The following CWF19L2 variants were observed in gnomAD, a reference collection of about 807,000 sequenced individuals.
CWF19L2 encodes CWF19-like protein 2.
In CWF19L2, 98 loss-of-function variants were observed where a neutral mutation model predicts 111.7. The observed-to-expected ratio is 0.88, with a 90% CI of 0.75 to 1.04. CWF19L2 has a LOEUF of 1.04. CWF19L2 is among the 50% of genes least tolerant of loss of function. CWF19L2 has a pLI of 0.00. For synonymous variants in CWF19L2, 351 were observed against 342.9 expected (o/e 1.02, Z -0.26); for missense variants, 1,101 against 1,051.4 (o/e 1.05, Z -0.65).
Position 107,392,837 on chromosome 11 carries a change from G to A in CWF19L2, c.1676C>T (p.Pro559Leu). 1 of 1,594,174 alleles carries A rather than the reference G, an allele frequency of 6.3e-7. No individual in the cohort carries two copies. Among genetic ancestry groups the A allele is most frequent in the African/African-American group, 1.4e-5 (1 of 73,248 alleles). The change falls in exon 11 of 18, where the codon CCT becomes CTT. Residue 559 changes from proline (P) to leucine (L), a missense_variant. Transcript: ENST00000282251. Reference protein sequence around the residue: ...VRTDQSGRVWPVNTPGKSLES... With the variant: ...VRTDQSGRVWLVNTPGKSLES... The stretch of plus-strand genomic sequence containing the variant: ...CAGAGATTTTCCGGGTGTGTTCACA[G>A]GCCATACTCTTCCAGACTGATCTGT...
chr11:107,389,348 G>A (rs765563139), intron 12 of CWF19L2, among the ~76,000 whole-genome samples: 2 of 152,176 alleles, frequency 1.3e-5, no homozygotes, highest in Non-Finnish European at 2.9e-5. Context: ...AGTGAAGGCA[G>A]CCTTAGATAA....
chr11:107,360,814 C>T (rs917823976), intron 12 of CWF19L2, among the ~76,000 whole-genome samples: 1 of 152,126 alleles, frequency 6.6e-6, no homozygotes, highest in Non-Finnish European at 1.5e-5. Flanking sequence ...CATATCCTTG[C>T]CCACTTTTTA....
intron 10 of CWF19L2, among the ~76,000 whole-genome samples, chr11:107,411,650 G>A (rs76641351): frequency 0.013 from 1,959 of 152,034 alleles, 35 homozygotes; most frequent in African/African-American, 0.044. Context: ...CTTAAGGAAG[G>A]GCAGGTTATT....
rs1444702843 is a variant in CWF19L2 at position 107,372,884 on chromosome 11, C to A, written c.1872+17190G>T. ...ACCGGGTTCATCTCACTAGGGAGTG[C>A]CAGACAGTGGGCGCAGGCCAGTGGG... On this transcript the variant is annotated intron_variant, in intron 12 of 17. Transcript: ENST00000282251. Among the ~76,000 whole-genome samples, 4 of 129,476 alleles carry A rather than the reference C, an allele frequency of 3.1e-5. 1 individual carries two copies. Among genetic ancestry groups the A allele is most frequent in the Non-Finnish European group, 6.4e-5 (4 of 62,258 alleles). The allele number at this position is 129,476 out of a possible 152,430, so 84.9% of individuals were successfully genotyped here. A position where few individuals can be genotyped will look rare whatever the true frequency, so the allele number is the denominator to read the frequency against.
At chr11:107,404,559 G>A in intron 10 of CWF19L2, 1 of 659,712 alleles carries the variant, frequency 1.5e-6, no homozygotes, top group Non-Finnish European at 2.8e-6. Context: ...GCTGGGGTGG[G>A]AGGTGGGGCA....
intron 12 of CWF19L2, among the ~76,000 whole-genome samples, chr11:107,387,314 G>A (rs776416876): frequency 2.6e-4 from 40 of 151,874 alleles, no homozygotes; most frequent in Non-Finnish European, 5.1e-4. Context: ...GGCTCTATCT[G>A]AACTAATATA....
At chr11:107,346,219 TGTA>T (rs550968959) in intron 14 of CWF19L2, among the ~76,000 whole-genome samples, 1 of 152,214 alleles carries the variant, frequency 6.6e-6, no homozygotes, top group African/African-American at 2.4e-5. Context: ...AACGCTATGA[TGTA>T]GTCGTTTTTA....
intron 12 of CWF19L2, among the ~76,000 whole-genome samples, chr11:107,379,407 C>A (rs578219357): frequency 6.6e-6 from 1 of 152,236 alleles, no homozygotes; most frequent in South Asian, 2.1e-4. Context: ...CACAGACAGT[C>A]CTTCTACAAC....
At chr11:107,403,395 A>T in intron 10 of CWF19L2, 2 of 746,694 alleles carry the variant, frequency 2.7e-6, no homozygotes, top group Non-Finnish European at 4.8e-6. Context: ...AAACATGGCA[A>T]CACTTATTCT....
At chr11:107,398,865 T>C (rs934700812) in intron 10 of CWF19L2, among the ~76,000 whole-genome samples, 4 of 152,162 alleles carry the variant, frequency 2.6e-5, no homozygotes, top group East Asian at 1.9e-4. Flanking sequence ...CTAGAAGGGA[T>C]TGGGGACCTA....
rs775085307 is a variant in CWF19L2 at position 107,392,792 on chromosome 11, C to A, written c.1721G>T (p.Arg574Ile). ...TGTTAAACATACCATCTGTCTCTTT[C>A]TTCTTCCTCCTTGTGATTCCAGAGA... Reference protein sequence around the residue: ...GKSLESQGGRRKRQMVSTHEE... With the variant: ...GKSLESQGGRIKRQMVSTHEE... The change falls in exon 11 of 18, where the codon AGA (arginine) becomes ATA (isoleucine). Residue 574 changes from arginine (R) to isoleucine (I), a missense_variant. Arg to Ile is a moderately conservative substitution (Grantham distance 97, BLOSUM62 -3). Coordinates refer to ENST00000282251, the MANE Select transcript of CWF19L2 (RefSeq NM_152434.3). The A allele has an allele frequency of 3.8e-6, 6 of 1,582,676 alleles. No individual in the cohort carries two copies. In the East Asian group the frequency reaches 9.3e-5, roughly 24 times the overall value.
rs968671953 is a variant in CWF19L2, at chr11:107,457,785, C to T, written c.32G>A (p.Arg11Lys). ...TTCGATACTCTTCGCACTTTCAAAT[C>T]TACCACTAGCAGCCGCCATACTTGT... MATSMAAASG[R>K]FESAKSIEER... Residue 11 changes from arginine to lysine, a missense_variant, in exon 1 of 18, where the codon AGA becomes AAA. Coordinates refer to ENST00000282251, the MANE Select transcript of CWF19L2 (RefSeq NM_152434.3). 1 of 1,551,674 alleles carries T rather than the reference C, an allele frequency of 6.4e-7. No individual in the cohort carries two copies. The highest frequency in any genetic ancestry group is 8.7e-7 in the Non-Finnish European group (1 of 1,147,010).
At position 107,450,821 on chromosome 11, in the gene CWF19L2, T is replaced by A. The variant is rs1591212840; in HGVS notation, c.339+3629A>T. The stretch of plus-strand genomic sequence containing the variant: ...CAACAGTCAGTTCATCAAGGAGCTG[T>A]CTATGTACCTAATAAAGCTTCAAAA... On this transcript the variant is annotated intron_variant, in intron 3 of 17. Transcript: ENST00000282251. 2.6e-5 allele frequency among the ~76,000 whole-genome samples: 4 copies of A among 152,244 alleles called. No individual in the cohort carries two copies. The South Asian group carries it at 8.3e-4, about 32-fold the overall frequency.
Position 107,457,734 on chromosome 11 carries a change from G to A in CWF19L2, c.83C>T (p.Ala28Val), listed in dbSNP as rs113378046. Residue 28 changes from alanine (A) to valine (V), a missense_variant, in exon 1 of 18, where the codon GCC becomes GTC. Ala to Val is a moderately conservative substitution (Grantham distance 64). Transcript: ENST00000282251. ...IEERKEQTRNARAEVLRQAKA... is the reference protein window; with the variant it reads ...IEERKEQTRNVRAEVLRQAKA... ...TACCTGGCGCAACACCTCGGCCCTG[G>A]CATTCCGGGTCTGTTCTTTCCGCTC... is the stretch of plus-strand genomic sequence containing the variant. 141 of 1,551,464 alleles carry A rather than the reference G, an allele frequency of 9.1e-5. 3 individuals are homozygous for A. In the African/African-American group the frequency reaches 1.3e-3, roughly 15 times the overall value.
chr11:107,338,540 A>T (rs1258069721), intron 14 of CWF19L2, among the ~76,000 whole-genome samples: 1 of 152,104 alleles, frequency 6.6e-6, no homozygotes. Context: ...ACCATCAGTT[A>T]TTCTTCCTGA....
At chr11:107,455,520 G>C (rs1303147641) in intron 2 of CWF19L2, 146 bp downstream of exon 2, 1 of 515,028 alleles carries the variant, frequency 1.9e-6, no homozygotes, top group East Asian at 3.3e-5. Context: ...CTGCCAAAGA[G>C]ATGAAACTAT....
chr11:107,403,725 C>T, intron 10 of CWF19L2: 1 of 851,688 alleles, frequency 1.2e-6, no homozygotes, highest in Non-Finnish European at 2.0e-6. Context: ...GCCTCCTTCT[C>T]CCTTTCCTCC....
intron 3 of CWF19L2, among the ~76,000 whole-genome samples, chr11:107,451,851 T>C (rs550395933): frequency 1.3e-5 from 2 of 152,238 alleles, no homozygotes; most frequent in East Asian, 3.9e-4. Context: ...CACTTATAGA[T>C]GCAAAAAAAG....
At chr11:107,403,975 C>T in intron 10 of CWF19L2, 1 of 867,960 alleles carries the variant, frequency 1.2e-6, no homozygotes, top group Non-Finnish European at 2.0e-6. Context: ...CGACAACTGA[C>T]CGAACGTCTG....
Sources: gnomAD v4.1 joint callset for allele counts (sites outside exome capture counted in the v4.1 genomes callset) on GRCh38, gnomAD v4.1.1 for gene constraint, MANE v1.5 for transcripts, NCBI Gene and HGNC (gene_info 2026-07-23, HGNC 2026-07-21) for gene names.